The following PENK variants were observed in gnomAD, a reference collection of about 807,000 sequenced individuals.
The protein encoded by PENK is proenkephalin-A.
PENK carries 25 observed loss-of-function variants against 24.1 expected under a neutral mutation model. The observed-to-expected ratio is 1.04, with a 90% confidence interval of 0.76 to 1.45. The LOEUF is 1.45. Ranked by LOEUF, PENK falls within the 40% of genes most tolerant of loss-of-function variation. The pLI, the probability that PENK is intolerant of heterozygous loss-of-function variation, is 0.00. For synonymous variants in PENK, 135 were observed against 130.3 expected (o/e 1.04, Z -0.24); for missense variants, 353 against 337.9 (o/e 1.04, Z -0.35).
chr8:56,443,041 T>A (rs1385212201), intron 3 of PENK, among the ~76,000 whole-genome samples: 3 of 152,148 alleles, frequency 2.0e-5, no homozygotes, highest in Non-Finnish European at 4.4e-5. Flanking sequence ...TATTAAGTGA[T>A]GTTAAATACA....
chr8:56,446,610 T>A lies in PENK; in HGVS notation c.-101A>T, dbSNP rs1379226549. On this transcript the variant is annotated 5_prime_UTR_variant, in exon 1 of 4. Transcript: ENST00000451791. ...GTCTCTGCGGGGTCACGGGCCAGGCTGCGGGGCTCTGAGCGCCTGCCTCGC... is the reference window on the plus strand; with the variant it reads ...GTCTCTGCGGGGTCACGGGCCAGGCAGCGGGGCTCTGAGCGCCTGCCTCGC... 1 of 152,358 alleles carries A rather than the reference T, an allele frequency of 6.6e-6. No individual in the cohort carries two copies. The highest frequency in any genetic ancestry group is 1.5e-5 in the Non-Finnish European group (1 of 68,194). The allele number at this position is 152,358 out of a possible 1,614,324, so 9.4% of individuals were successfully genotyped here.
At position 56,441,137 on chromosome 8, in the gene PENK, G is replaced by C. The variant is rs932394103; in HGVS notation, c.*135C>G. 5.9e-5 allele frequency: 40 copies of C among 677,694 alleles called. No individual in the cohort carries two copies. The African/African-American group carries it at 6.9e-4, about 12-fold the overall frequency. 42.0% of individuals were successfully genotyped at this position (677,694 alleles called of 1,614,324 possible). On this transcript the variant is annotated 3_prime_UTR_variant, in exon 4 of 4. Coordinates refer to ENST00000451791, the MANE Select transcript of PENK (RefSeq NM_001135690.3). ...CAGAACCTGAAATGACAGTTTTCAG[G>C]TTGTATAGTTATCCAGACAATGAAG...
At chr8:56,445,442 AGG>A in intron 3 of PENK, 1 of 477,626 alleles carries the variant, frequency 2.1e-6, no homozygotes, top group Admixed American at 3.5e-5. Flanking sequence ...GGGATATGTT[AGG>A]AGTTGTGGTG....
chr8:56,445,654 G>T, intron 3 of PENK, 162 bp downstream of exon 3: 2 of 846,612 alleles, frequency 2.4e-6, no homozygotes, highest in Non-Finnish European at 3.9e-6. Flanking sequence ...CAGTGTTCCA[G>T]GAACAGCTGA....
At chr8:56,444,164 G>A in intron 3 of PENK, 3 of 498,326 alleles carry the variant, frequency 6.0e-6, no homozygotes, top group Non-Finnish European at 7.1e-6. Context: ...TTGGGAGCTT[G>A]GTGAATCAAA....
rs769706247 is a variant in PENK, at chr8:56,441,370, G to A, written c.706C>T (p.Arg236Cys). 5 of 1,614,044 alleles carry A rather than the reference G, an allele frequency of 3.1e-6. No homozygotes were observed. The highest frequency in any genetic ancestry group is 3.3e-5 in the Admixed American group (2 of 60,020). The change falls in exon 4 of 4, where the codon CGC becomes TGC. Residue 236 changes from arginine to cysteine, a missense_variant. Arg to Cys is a radical substitution (Grantham distance 180). Transcript: ENST00000451791. ...YQKRYGGFLK[R>C]FAEALPSDEE... ...TCGGAGGGCAGAGCCTCGGCAAAGC[G>A]CTTCAGGAAACCTCCATACCGTTTC...
rs986824591 is a variant in PENK at position 56,445,946 on chromosome 8, C to G, written c.8G>C (p.Arg3Pro). 2 of 1,607,516 alleles carry G rather than the reference C, an allele frequency of 1.2e-6. No individual in the cohort carries two copies. The highest frequency in any genetic ancestry group is 1.7e-6 in the Non-Finnish European group (2 of 1,176,532). ...CAGCCAAGTGCAAAGTGTCAGGAAC[C>G]GCGCCATGGACTGCGAGGAGAGAGG... is the stretch of plus-strand genomic sequence containing the variant. MARFLTLCTWLLL... is the reference protein window; with the variant it reads MAPFLTLCTWLLL... Residue 3 changes from arginine (R) to proline (P), a missense_variant, in exon 3 of 4, where the codon CGG becomes CCG. Coordinates refer to ENST00000451791, the MANE Select transcript of PENK (RefSeq NM_001135690.3).
At chr8:56,445,392 A>G (rs537802014) in intron 3 of PENK, 14 of 420,880 alleles carry the variant, frequency 3.3e-5, no homozygotes, top group Non-Finnish European at 4.6e-5. Context: ...TATTTGTGGG[A>G]AAGATGGGAA....
At chr8:56,445,678 C>T (rs1804642623) in intron 3 of PENK, 138 bp downstream of exon 3, 2 of 1,116,318 alleles carry the variant, frequency 1.8e-6, no homozygotes, top group Non-Finnish European at 1.4e-6. Flanking sequence ...ACCCAGGTCA[C>T]CACGGGCTCG....
At position 56,441,487 on chromosome 8, in the gene PENK, G is replaced by C; in HGVS notation, c.589C>G (p.Pro197Ala). The C allele has an allele frequency of 6.2e-7, 1 of 1,612,864 alleles. No individual in the cohort carries two copies. The highest frequency in any genetic ancestry group is 8.5e-7 in the Non-Finnish European group (1 of 1,179,804). Residue 197 changes from proline to alanine, a missense_variant, in exon 4 of 4, where the codon CCC becomes GCC. Physicochemically the swap from Pro to Ala is conservative, Grantham distance 27. Coordinates refer to ENST00000451791, the MANE Select transcript of PENK (RefSeq NM_001135690.3). ...GGFMRGLKRS[P>A]QLEDEAKELQ... ...TCTTTGGCTTCATCTTCCAGTTGGG[G>C]GCTTCTCTTTAAGCCTCTCATGAAG...
intron 3 of PENK, chr8:56,445,436 T>TC: frequency 2.2e-6 from 1 of 448,664 alleles, no homozygotes; most frequent in South Asian, 6.6e-5. Flanking sequence ...TTAGCTGGGA[T>TC]ATGTTAGGAG....
intron 3 of PENK, 197 bp downstream of exon 3, chr8:56,445,619 C>A: frequency 2.9e-6 from 2 of 684,296 alleles, no homozygotes; most frequent in Non-Finnish European, 5.1e-6. Context: ...ATCCCCGAAG[C>A]TAAGAGCCAG....
Position 56,445,710 on chromosome 8 carries a change from G to C in PENK, c.138+106C>G. 4 of 1,466,468 alleles carry C rather than the reference G, an allele frequency of 2.7e-6. No homozygotes were observed. In the South Asian group the frequency reaches 4.5e-5, roughly 17 times the overall value. 90.8% of individuals were successfully genotyped at this position (1,466,468 alleles called of 1,614,324 possible). On this transcript the variant is annotated intron_variant, in intron 3 of 3. Transcript: ENST00000451791. ...CTCGCGCCGCTGCGGCTCCGACCCG[G>C]TGCGAACCGCCATACGCGCCGCGCG...
intron 3 of PENK, chr8:56,443,904 T>G: frequency 1.4e-6 from 1 of 695,322 alleles, no homozygotes; most frequent in South Asian, 1.5e-5. Flanking sequence ...ACACGTGCCA[T>G]TCCATCACCT....
At chr8:56,446,402 C>G (rs913250172) in intron 2 of PENK, 24 bp downstream of exon 2, 1 of 176,782 alleles carries the variant, frequency 5.7e-6, no homozygotes, top group African/African-American at 2.4e-5. Flanking sequence ...TCAGCAAAGA[C>G]AAGCTTCGGG....
At position 56,441,191 on chromosome 8, in the gene PENK, C is replaced by A. The variant is rs891706364; in HGVS notation, c.*81G>T. On this transcript the variant is annotated 3_prime_UTR_variant, in exon 4 of 4. Transcript: ENST00000451791. ...ACTATACAAGGCAAGCAACACATGA[C>A]AATAAAACACCATCAACAGTTTCCC... 17 of 960,668 alleles carry A rather than the reference C, an allele frequency of 1.8e-5. No individual in the cohort carries two copies. The highest frequency in any genetic ancestry group is 2.5e-5 in the Non-Finnish European group (16 of 629,706). The allele number at this position is 960,668 out of a possible 1,614,324, so 59.5% of individuals were successfully genotyped here. A position where few individuals can be genotyped will look rare whatever the true frequency, so the allele number is the denominator to read the frequency against.
At position 56,440,992 on chromosome 8, in the gene PENK, C is replaced by A; in HGVS notation, c.*280G>T. 6.0e-6 allele frequency: 2 copies of A among 330,622 alleles called. No homozygotes were observed. The highest frequency in any genetic ancestry group is 1.1e-5 in the Non-Finnish European group (2 of 181,796). 20.5% of individuals were successfully genotyped at this position (330,622 alleles called of 1,614,324 possible). ...GTAATAGGTTTATTATCTCTATATA[C>A]AAGTAAGCATTTATTGATGTTTGTC... On this transcript the variant is annotated 3_prime_UTR_variant, in exon 4 of 4. Coordinates refer to ENST00000451791, the MANE Select transcript of PENK (RefSeq NM_001135690.3).
chr8:56,445,483 A>G, intron 3 of PENK: 1 of 565,084 alleles, frequency 1.8e-6, no homozygotes, highest in South Asian at 2.5e-5. Flanking sequence ...ACAGCCCAGG[A>G]GAGAACCCAG....
chr8:56,441,286 A>G lies in PENK; in HGVS notation c.790T>C (p.Phe264Leu). ...VPEMEKRYGGFMRF is the reference protein window; with the variant it reads ...VPEMEKRYGGLMRF ...GGGAAAAGATATTAAAATCTCATAA[A>G]TCCTCCGTATCTTTTTTCCATTTCA... Residue 264 changes from phenylalanine (F) to leucine (L), a missense_variant, in exon 4 of 4, where the codon TTT (phenylalanine) becomes CTT (leucine). Transcript: ENST00000451791. The G allele has an allele frequency of 1.2e-6, 2 of 1,600,808 alleles. No individual in the cohort carries two copies. Among genetic ancestry groups the G allele is most frequent in the Non-Finnish European group, 8.5e-7 (1 of 1,172,962 alleles).
Sources: gnomAD v4.1 joint callset for allele counts (sites outside exome capture counted in the v4.1 genomes callset) on GRCh38, gnomAD v4.1.1 for gene constraint, MANE v1.5 for transcripts, NCBI Gene and HGNC (gene_info 2026-07-23, HGNC 2026-07-21) for gene names.